ZNF568: variants seen among roughly 807,000 people sequenced by gnomAD.
ZNF568 encodes the protein zinc finger protein 568, also known as p53 inhibitor of SCO2 activation.
In ZNF568, 11 loss-of-function variants were observed where a neutral mutation model predicts 18.1. The observed-to-expected ratio is 0.61, with a 90% CI of 0.38 to 1.00. ZNF568 has a LOEUF of 1.00. Ranked by LOEUF, ZNF568 falls within the 50% of genes least tolerant of loss-of-function variation. The pLI is 0.01. For missense variants in ZNF568, 639 were observed against 768.2 expected (o/e 0.83, Z 1.99); for synonymous variants, 213 against 246.6 (o/e 0.86, Z 1.28).
chr19:36,995,901 A>G (rs948166335), intron 4 of ZNF568, among the ~76,000 whole-genome samples: 1 of 152,244 alleles, frequency 6.6e-6, no homozygotes, highest in Non-Finnish European at 1.5e-5. Flanking sequence ...CAATATTGGC[A>G]GGATAATAAC....
At chr19:36,927,401 A>G (rs886933947) in intron 4 of ZNF568, among the ~76,000 whole-genome samples, 1 of 152,174 alleles carries the variant, frequency 6.6e-6, no homozygotes, top group Non-Finnish European at 1.5e-5. Context: ...TGATAATTCT[A>G]TTAGTAGAAT....
chr19:36,945,210 A>AGG (rs2073943390), intron 6 of ZNF568, among the ~76,000 whole-genome samples: 1 of 141,854 alleles, frequency 7.0e-6, no homozygotes, highest in African/African-American at 2.6e-5. Flanking sequence ...CAGAGAGAGA[A>AGG]GTGTGTGTGT....
chr19:36,980,137 G>A (rs1024363975), downstream of ZNF568: 4 of 151,646 alleles, frequency 2.6e-5, no homozygotes, highest in African/African-American at 4.9e-5. Context: ...GTGGATTGTC[G>A]TCCTTGCCGG....
intron 2 of ZNF568, among the ~76,000 whole-genome samples, chr19:36,987,239 A>C (rs906956248): frequency 6.6e-6 from 1 of 152,124 alleles, no homozygotes; most frequent in Non-Finnish European, 1.5e-5. Flanking sequence ...TCGGTTTGGA[A>C]CCAGGATGTA....
At chr19:36,957,103 ACATGT>A (rs1018715027), downstream of ZNF568, among the ~76,000 whole-genome samples, 3 of 151,982 alleles carry the variant, frequency 2.0e-5, no homozygotes, top group Non-Finnish European at 2.9e-5. Context: ...ACATTCAGTC[ACATGT>A]CATGTAAGAC....
At chr19:36,925,343 A>C in intron 4 of ZNF568, 85 bp downstream of exon 4, 1 of 1,206,720 alleles carries the variant, frequency 8.3e-7, no homozygotes, top group Non-Finnish European at 1.2e-6. Flanking sequence ...TGTGTTGGAA[A>C]AAATAAATTG....
intron 4 of ZNF568, among the ~76,000 whole-genome samples, chr19:36,929,317 T>C (rs1352834756): frequency 6.6e-6 from 1 of 152,062 alleles, no homozygotes; most frequent in Non-Finnish European, 1.5e-5. Context: ...AGCTGGAGGA[T>C]CACTTGAGGC....
chr19:36,933,924 G>GTT (rs140279289), intron 4 of ZNF568, among the ~76,000 whole-genome samples: 4 of 29,926 alleles, frequency 1.3e-4, no homozygotes, highest in East Asian at 1.0e-3. Context: ...TTGTTTTTTT[G>GTT]TTTTTTTTTT....
Position 36,919,766 on chromosome 19 carries a change from T to C in ZNF568, c.-186+2118T>C, listed in dbSNP as rs117598512. Among the ~76,000 whole-genome samples, 879 of 152,258 alleles carry C rather than the reference T, an allele frequency of 5.8e-3. 7 individuals carry two copies. The highest frequency in any genetic ancestry group is 0.017 in the Middle Eastern group (5 of 294). ...GAGCTGAAAAATTCCTGTCACCTAG[T>C]GACTTTCTAGCCAATATAACACTGT... is the stretch of plus-strand genomic sequence containing the variant. On this transcript the variant is annotated intron_variant, in intron 2 of 6. Coordinates refer to ENST00000333987, the MANE Select transcript of ZNF568 (RefSeq NM_198539.4).
At chr19:36,960,503 T>A (rs934006860) in intron 6 of ZNF568, among the ~76,000 whole-genome samples, 3 of 152,112 alleles carry the variant, frequency 2.0e-5, no homozygotes, top group Admixed American at 6.6e-5. Flanking sequence ...TTGGGAATGT[T>A]GTGTTTTCAT....
At chr19:36,963,081 A>G (rs2074167449) in intron 6 of ZNF568, among the ~76,000 whole-genome samples, 1 of 152,190 alleles carries the variant, frequency 6.6e-6, no homozygotes, top group South Asian at 2.1e-4. Context: ...TCATTGCTAA[A>G]TAATGGTACC....
At chr19:36,996,382 C>T in exon 5 of ZNF568, 1 of 1,536,000 alleles carries the variant, frequency 6.5e-7, no homozygotes, top group South Asian at 1.2e-5. Flanking sequence ...AATTAGATCA[C>T]CACAACAGGA....
downstream of ZNF568, among the ~76,000 whole-genome samples, chr19:36,983,940 C>T (rs2074353347): frequency 7.7e-6 from 1 of 129,738 alleles, no homozygotes; most frequent in Non-Finnish European, 1.5e-5. Context: ...GCTCTGTCGC[C>T]CAGGCTGGAG....
chr19:36,954,114 C>T (rs1398795365), downstream of ZNF568, among the ~76,000 whole-genome samples: 1 of 151,942 alleles, frequency 6.6e-6, no homozygotes, highest in African/African-American at 2.4e-5. Flanking sequence ...ATCCTAGCTA[C>T]TCAGGAGGCT....
intron 4 of ZNF568, among the ~76,000 whole-genome samples, chr19:36,935,417 G>A (rs139145531): frequency 4.2e-4 from 64 of 152,036 alleles, no homozygotes; most frequent in African/African-American, 1.3e-3. Context: ...AAAATTAGCC[G>A]GGTGCGGTGG....
chr19:36,995,724 C>T (rs370959984), intron 4 of ZNF568, among the ~76,000 whole-genome samples: 59 of 151,584 alleles, frequency 3.9e-4, no homozygotes, highest in African/African-American at 5.8e-4. Flanking sequence ...TCTTAGTGGT[C>T]GCCTTCAAGA....
chr19:36,970,642 T>A (rs983055369), intron 6 of ZNF568, among the ~76,000 whole-genome samples: 3 of 152,178 alleles, frequency 2.0e-5, no homozygotes, highest in African/African-American at 7.2e-5. Flanking sequence ...CGGCCATGTC[T>A]TTAATAAATT....
At chr19:36,992,326 AC>A (rs2146350312) in intron 4 of ZNF568, among the ~76,000 whole-genome samples, 1 of 151,240 alleles carries the variant, frequency 6.6e-6, no homozygotes, top group South Asian at 2.1e-4. Flanking sequence ...ACATGGTGAA[AC>A]CCCATCTCTA....
chr19:36,982,089 T>C (rs1377426250), downstream of ZNF568, among the ~76,000 whole-genome samples: 3 of 152,146 alleles, frequency 2.0e-5, no homozygotes, highest in Admixed American at 6.5e-5. Flanking sequence ...GATCATATCA[T>C]TGATGAATAA....
Sources: gnomAD v4.1 joint callset for allele counts (sites outside exome capture counted in the v4.1 genomes callset) on GRCh38, gnomAD v4.1.1 for gene constraint, MANE v1.5 for transcripts, NCBI Gene and HGNC (gene_info 2026-07-23, HGNC 2026-07-21) for gene names.